The following CSMD1 variants were observed in gnomAD, a reference collection of about 807,000 sequenced individuals.
CSMD1 encodes the protein CUB and sushi domain-containing protein 1.
CSMD1 carries 213 observed loss-of-function variants against 417.5 expected under a neutral mutation model. That is an observed-to-expected ratio of 0.51 (90% CI 0.46 to 0.57). The LOEUF (loss-of-function observed/expected upper bound fraction) is 0.57. Ranked by LOEUF, CSMD1 falls within the 20% of genes least tolerant of loss-of-function variation. The pLI is 0.00. For missense variants in CSMD1, 6,923 were observed against 4,529.7 expected, an observed-to-expected ratio of 1.53 and a Z score of -15.17; for synonymous variants, 2,862 against 1,736.8, an observed-to-expected ratio of 1.65 and a Z score of -16.11.
intron 3 of CSMD1, among the ~76,000 whole-genome samples, chr8:4,332,143 CA>C (rs1799901876): frequency 6.6e-6 from 1 of 152,092 alleles, no homozygotes; most frequent in Non-Finnish European, 1.5e-5. Context: ...ATGAAAATGT[CA>C]AGTTGCTTAG....
chr8:4,128,576 A>G (rs1361352236), intron 3 of CSMD1, among the ~76,000 whole-genome samples: 1 of 152,188 alleles, frequency 6.6e-6, no homozygotes, highest in Non-Finnish European at 1.5e-5. Flanking sequence ...CTTTTAGCTT[A>G]TCTCCAAACC....
At chr8:4,519,801 A>C (rs1803335472) in intron 2 of CSMD1, among the ~76,000 whole-genome samples, 2 of 140,912 alleles carry the variant, frequency 1.4e-5, no homozygotes, top group South Asian at 2.4e-4. Context: ...TTTTGGAGCC[A>C]GGGATAGCTC....
intron 2 of CSMD1, among the ~76,000 whole-genome samples, chr8:4,501,489 T>A (rs1382296422): frequency 6.6e-6 from 1 of 152,214 alleles, no homozygotes; most frequent in African/African-American, 2.4e-5. Flanking sequence ...CTCTCTTAAA[T>A]GTTTCACGTG....
chr8:4,332,511 G>C (rs1332677199), intron 3 of CSMD1, among the ~76,000 whole-genome samples: 2 of 147,666 alleles, frequency 1.4e-5, no homozygotes, highest in East Asian at 2.1e-4. Flanking sequence ...TCTGGTTTTT[G>C]CTTTTTTTCC....
At chr8:4,071,404 A>C (rs1238409368) in intron 3 of CSMD1, among the ~76,000 whole-genome samples, 3 of 152,072 alleles carry the variant, frequency 2.0e-5, no homozygotes, top group African/African-American at 4.8e-5. Context: ...TACTTTAAAA[A>C]AAATTGTAGT....
At chr8:4,659,159 G>C (rs914745823) in intron 1 of CSMD1, among the ~76,000 whole-genome samples, 6 of 152,052 alleles carry the variant, frequency 3.9e-5, no homozygotes, top group African/African-American at 1.2e-4. Flanking sequence ...AAAATAAAAA[G>C]TTTCCTGGAG....
intron 3 of CSMD1, among the ~76,000 whole-genome samples, chr8:4,239,422 G>C (rs1504775): frequency 0.92 from 139,555 of 152,224 alleles, 65,146 homozygotes; most frequent in Non-Finnish European, 1. Flanking sequence ...ATCTTAACTC[G>C]TCTTTCTCCT....
chr8:4,975,285 G>T (rs182446818), intron 1 of CSMD1, among the ~76,000 whole-genome samples: 1 of 152,194 alleles, frequency 6.6e-6, no homozygotes, highest in South Asian at 2.1e-4. Context: ...GAGAATATCT[G>T]CTGTATATCA....
chr8:3,564,517 T>TTGTGTGTGTGTGTGTGTGTGTG lies in CSMD1; in HGVS notation c.1344+10406_1344+10427dup, dbSNP rs34665230. Among the ~76,000 whole-genome samples the TTGTGTGTGTGTGTGTGTGTGTG allele has an allele frequency of 1.8e-3, 257 of 145,488 alleles. 2 individuals carry two copies. Among genetic ancestry groups the TTGTGTGTGTGTGTGTGTGTGTG allele is most frequent in the African/African-American group, 5.3e-3 (206 of 38,756 alleles). On this transcript the variant is annotated intron_variant, in intron 10 of 69. Coordinates refer to ENST00000635120, the MANE Select transcript of CSMD1 (RefSeq NM_033225.6). ...TAGAAATGCTGGCTCCACAGTATAT[T>TTGTGTGTGTGTGTGTGTGTGTG]TGTGTGTGTGTGTGTGTGTGTGTGT...
intron 1 of CSMD1, among the ~76,000 whole-genome samples, chr8:4,672,334 G>A (rs1805381317): frequency 6.6e-6 from 1 of 152,202 alleles, no homozygotes; most frequent in Non-Finnish European, 1.5e-5. Context: ...GGTAAAAGGT[G>A]AGATGGGTTG....
At chr8:4,916,773 C>T (rs1319257251) in intron 1 of CSMD1, among the ~76,000 whole-genome samples, 1 of 152,198 alleles carries the variant, frequency 6.6e-6, no homozygotes, top group Non-Finnish European at 1.5e-5. Flanking sequence ...AACAAAGTGA[C>T]AGCTAGATGC....
At chr8:4,492,924 G>T in intron 2 of CSMD1, among the ~76,000 whole-genome samples, 1 of 152,210 alleles carries the variant, frequency 6.6e-6, no homozygotes, top group East Asian at 1.9e-4. Context: ...GGAAGAAACT[G>T]TCACAGGCAG....
intron 2 of CSMD1, among the ~76,000 whole-genome samples, chr8:4,494,596 A>C (rs1450528764): frequency 6.6e-6 from 1 of 152,180 alleles, no homozygotes; most frequent in Non-Finnish European, 1.5e-5. Flanking sequence ...AAAACTTCAC[A>C]AATTACACTA....
chr8:3,123,970 C>G (rs572545777), intron 41 of CSMD1, among the ~76,000 whole-genome samples: 5 of 152,230 alleles, frequency 3.3e-5, no homozygotes, highest in Admixed American at 3.3e-4. Flanking sequence ...AAGGCTCTAG[C>G]GCCCTTCTGC....
At chr8:4,701,719 C>A (rs922420) in intron 1 of CSMD1, among the ~76,000 whole-genome samples, 1 of 151,834 alleles carries the variant, frequency 6.6e-6, no homozygotes, top group African/African-American at 2.4e-5. Flanking sequence ...CAAATCATAA[C>A]ATTCCTCTTT....
At chr8:4,037,191 C>A (rs75757221) in intron 3 of CSMD1, among the ~76,000 whole-genome samples, 29,764 of 152,192 alleles carry the variant, frequency 0.2, 3,177 homozygotes, top group South Asian at 0.29. Flanking sequence ...GTGTTTTGAT[C>A]TTTAATATTT....
rs968990065 is a variant in CSMD1 at position 3,308,606 on chromosome 8, G to C, written c.3632-103C>G. The C allele has an allele frequency of 2.2e-5, 19 of 868,470 alleles. No homozygotes were observed. The South Asian group carries it at 2.6e-4, about 12-fold the overall frequency. 53.8% of individuals were successfully genotyped at this position (868,470 alleles called of 1,614,324 possible). ...GTTGCTAAATGCTCCTTGAAGGGTA[G>C]GGAGAAAAAAGGAGATTGTGAATTT... On this transcript the variant is annotated intron_variant, in intron 23 of 69. Coordinates refer to ENST00000635120, the MANE Select transcript of CSMD1 (RefSeq NM_033225.6).
At chr8:4,861,174 A>G (rs1585226598) in intron 1 of CSMD1, among the ~76,000 whole-genome samples, 1 of 152,124 alleles carries the variant, frequency 6.6e-6, no homozygotes, top group Non-Finnish European at 1.5e-5. Context: ...GAAGTTGATA[A>G]TAGATTCTGA....
chr8:4,444,779 A>G (rs1403064021), intron 2 of CSMD1, among the ~76,000 whole-genome samples: 1 of 152,190 alleles, frequency 6.6e-6, no homozygotes. Flanking sequence ...TGATTTGACT[A>G]AGAACATATT....
Sources: gnomAD v4.1 joint callset for allele counts (sites outside exome capture counted in the v4.1 genomes callset) on GRCh38, gnomAD v4.1.1 for gene constraint, MANE v1.5 for transcripts, NCBI Gene and HGNC (gene_info 2026-07-23, HGNC 2026-07-21) for gene names.